Variants in GPHN observed in about 807,000 individuals in gnomAD.
GPHN encodes gephyrin.
GPHN carries 17 observed loss-of-function variants against 95.5 expected under a neutral mutation model. That is an observed-to-expected ratio of 0.18 (90% CI 0.12 to 0.27). The LOEUF is 0.27. GPHN is among the 10% of genes least tolerant of loss of function. The probability of loss-of-function intolerance (pLI) is 1.00; values close to 1 mark genes in which losing one functional copy is unlikely to be tolerated. For missense variants in GPHN, 660 were observed against 978.1 expected (o/e 0.67, Z 4.34); for synonymous variants, 320 against 322.5 (o/e 0.99, Z 0.08).
intron 1 of GPHN, among the ~76,000 whole-genome samples, chr14:66,581,979 C>T (rs1419777408): frequency 6.6e-6 from 1 of 151,866 alleles, no homozygotes; most frequent in Non-Finnish European, 1.5e-5. Context: ...ATGAACAGAT[C>T]ATCCAGACAA....
chr14:67,731,189 C>CATCATAT, the GPHN span, among the ~76,000 whole-genome samples: 1 of 146,672 alleles, frequency 6.8e-6, no homozygotes, highest in African/African-American at 2.5e-5. Flanking sequence ...TTGTGTTTCT[C>CATCATAT]ATCATATTTC....
At chr14:67,196,223 C>CTTTTTTTTTTTTTTTTTTTT in the GPHN span, among the ~76,000 whole-genome samples, 3 of 143,118 alleles carry the variant, frequency 2.1e-5, no homozygotes, top group Non-Finnish European at 4.6e-5. Context: ...TTCTTTCTTT[C>CTTTTTTTTTTTTTTTTTTTT]TTTTTTTTTT....
At chr14:67,617,727 T>G in the GPHN span, among the ~76,000 whole-genome samples, 2 of 151,966 alleles carry the variant, frequency 1.3e-5, no homozygotes, top group African/African-American at 4.8e-5. Context: ...GTTGTTTGTT[T>G]GTTTGTTTTT....
intron 1 of GPHN, among the ~76,000 whole-genome samples, chr14:66,656,024 A>G (rs920227915): frequency 1.3e-5 from 2 of 152,070 alleles, no homozygotes; most frequent in South Asian, 2.1e-4. Flanking sequence ...GATCTTTTGG[A>G]TATATATTCA....
At chr14:67,013,712 A>G (rs1397066856) in intron 9 of GPHN, among the ~76,000 whole-genome samples, 2 of 152,024 alleles carry the variant, frequency 1.3e-5, no homozygotes, top group Admixed American at 6.5e-5. Flanking sequence ...CAACTTTTTC[A>G]ATCAATCTAA....
At chr14:67,084,374 T>C (rs1469587664) in intron 11 of GPHN, among the ~76,000 whole-genome samples, 1 of 152,198 alleles carries the variant, frequency 6.6e-6, no homozygotes, top group East Asian at 1.9e-4. Context: ...CTGTTTCATT[T>C]GTCTAAAACG....
the GPHN span, among the ~76,000 whole-genome samples, chr14:67,543,687 G>A: frequency 6.6e-6 from 1 of 151,938 alleles, no homozygotes; most frequent in Non-Finnish European, 1.5e-5. Flanking sequence ...GAAAAGGAAG[G>A]AAAGGATAAG....
intron 8 of GPHN, among the ~76,000 whole-genome samples, chr14:66,936,884 A>T (rs2067157792): frequency 1.3e-5 from 2 of 152,260 alleles, no homozygotes; most frequent in Admixed American, 1.3e-4. Flanking sequence ...AGGAATCATT[A>T]CTTACATTAT....
chr14:66,542,438 C>T (rs149678194), intron 1 of GPHN, among the ~76,000 whole-genome samples: 1,841 of 152,308 alleles, frequency 0.012, 20 homozygotes, highest in Non-Finnish European at 0.018. Context: ...ACAGAACTTG[C>T]ATAGACTCCT....
the GPHN span, among the ~76,000 whole-genome samples, chr14:67,416,761 TC>T: frequency 2.6e-5 from 4 of 152,228 alleles, no homozygotes; most frequent in African/African-American, 9.6e-5. Flanking sequence ...AGGTATCTTT[TC>T]CATTAACAGC....
intron 5 of GPHN, among the ~76,000 whole-genome samples, chr14:66,904,059 G>T (rs774867266): frequency 3.3e-5 from 5 of 151,782 alleles, no homozygotes; most frequent in Non-Finnish European, 5.9e-5. Flanking sequence ...TTATCTATTC[G>T]CCTTCATACT....
At chr14:66,689,184 A>G (rs548532125) in intron 2 of GPHN, among the ~76,000 whole-genome samples, 1 of 152,274 alleles carries the variant, frequency 6.6e-6, no homozygotes, top group African/African-American at 2.4e-5. Flanking sequence ...TTTACTGTAT[A>G]TGGCTTTTGT....
chr14:67,692,178 T>G, the GPHN span: 1 of 418,846 alleles, frequency 2.4e-6, no homozygotes, highest in Non-Finnish European at 4.3e-6. Context: ...AAGCCTGTAC[T>G]GAGTGCTGAG....
At chr14:66,921,142 G>C (rs1368653742) in intron 6 of GPHN, among the ~76,000 whole-genome samples, 1 of 152,138 alleles carries the variant, frequency 6.6e-6, no homozygotes, top group Non-Finnish European at 1.5e-5. Flanking sequence ...TCAAATGGTA[G>C]TTCTACTTTT....
intron 1 of GPHN, among the ~76,000 whole-genome samples, chr14:66,560,219 G>A (rs1318923449): frequency 1.1e-4 from 16 of 152,058 alleles, no homozygotes; most frequent in Non-Finnish European, 1.5e-5. Flanking sequence ...ACTTGGCAAT[G>A]CGGGCTCTTT....
At chr14:67,701,425 C>CTTT in the GPHN span, among the ~76,000 whole-genome samples, 50 of 71,108 alleles carry the variant, frequency 7.0e-4, 1 homozygote, top group East Asian at 2.9e-3. Context: ...ATTATAATTT[C>CTTT]TTTTTTTTTT....
intron 9 of GPHN, among the ~76,000 whole-genome samples, chr14:67,020,636 A>G (rs1031169332): frequency 6.6e-6 from 1 of 152,140 alleles, no homozygotes; most frequent in Non-Finnish European, 1.5e-5. Flanking sequence ...AATATACCCT[A>G]TGTTTTCATT....
intron 2 of GPHN, among the ~76,000 whole-genome samples, chr14:66,775,074 A>G (rs919588172): frequency 1.7e-4 from 26 of 151,972 alleles, no homozygotes; most frequent in African/African-American, 5.3e-4. Flanking sequence ...GGTTTGTTAC[A>G]TGGGTAAATT....
At chr14:67,141,066 C>G (rs1006052541) in intron 17 of GPHN, among the ~76,000 whole-genome samples, 1 of 152,044 alleles carries the variant, frequency 6.6e-6, no homozygotes, top group African/African-American at 2.4e-5. Flanking sequence ...TATGCAATGA[C>G]TGACTGAATG....
Sources: gnomAD v4.1 joint callset for allele counts (sites outside exome capture counted in the v4.1 genomes callset) on GRCh38, gnomAD v4.1.1 for gene constraint, MANE v1.5 for transcripts, NCBI Gene and HGNC (gene_info 2026-07-23, HGNC 2026-07-21) for gene names.